Variants in PRRX1 observed in about 807,000 individuals in gnomAD.
PRRX1 encodes the protein paired mesoderm homeobox protein 1.
Under a neutral mutation model 24.0 loss-of-function variants are expected in PRRX1, and 8 were observed. The observed-to-expected ratio is 0.33, with a 90% CI of 0.20 to 0.60. PRRX1 has a LOEUF of 0.60. Among genes scored for constraint, PRRX1 ranks in the 20% least tolerant of loss-of-function variants. The pLI is 0.82. For synonymous variants in PRRX1, 160 were observed against 131.7 expected, an observed-to-expected ratio of 1.22 and a Z score of -1.47; for missense variants, 281 against 322.4, an observed-to-expected ratio of 0.87 and a Z score of 0.98.
In PRRX1 at chr1:170,736,187, G is replaced by A. The variant is rs748937887; in HGVS notation, c.*1G>A. 72 of 1,613,664 alleles carry A rather than the reference G, an allele frequency of 4.5e-5. No homozygotes were observed. In the Admixed American group the frequency reaches 1.2e-3, roughly 27 times the overall value. On this transcript the variant is annotated 3_prime_UTR_variant, in exon 4 of 4. Coordinates refer to ENST00000239461, the MANE Select transcript of PRRX1 (RefSeq NM_022716.4). ...GAACCAGGTGCCAACAGTCAACTGA[G>A]GAAAAAAAATAATTAAACAGGCCTA...
At chr1:170,711,749 T>A (rs1171705228) in intron 1 of PRRX1, among the ~76,000 whole-genome samples, 18 of 152,170 alleles carry the variant, frequency 1.2e-4, no homozygotes, top group Non-Finnish European at 2.5e-4. Context: ...GACAAGAGGA[T>A]ATGCCTCATC....
At chr1:170,727,605 A>G (rs564706580) in intron 3 of PRRX1, 2 of 152,372 alleles carry the variant, frequency 1.3e-5, no homozygotes, top group South Asian at 2.1e-4. Flanking sequence ...AATCAAAGCA[A>G]AAAGCCTCAT....
chr1:170,720,518 TG>T (rs1331396536), intron 2 of PRRX1, among the ~76,000 whole-genome samples: 1 of 152,194 alleles, frequency 6.6e-6, no homozygotes, highest in Non-Finnish European at 1.5e-5. Context: ...CAGATTTATG[TG>T]ATATACATTG....
intron 3 of PRRX1, among the ~76,000 whole-genome samples, chr1:170,733,124 G>A (rs568914622): frequency 2.2e-4 from 33 of 152,262 alleles, no homozygotes; most frequent in Non-Finnish European, 5.9e-5. Context: ...ACATTCAAGA[G>A]AGAAACTCAG....
intron 1 of PRRX1, among the ~76,000 whole-genome samples, chr1:170,712,498 C>T (rs1404866536): frequency 6.6e-6 from 1 of 152,100 alleles, no homozygotes; most frequent in Non-Finnish European, 1.5e-5. Flanking sequence ...TCTTACTGAA[C>T]AGCTAAATAA....
At chr1:170,690,218 T>C (rs905643946) in intron 1 of PRRX1, among the ~76,000 whole-genome samples, 47 of 151,942 alleles carry the variant, frequency 3.1e-4, no homozygotes, top group African/African-American at 1.1e-3. Flanking sequence ...GTCTGGTCCG[T>C]GCCCCCTATG....
In PRRX1 at chr1:170,737,499, T is replaced by G; in HGVS notation, c.*1313T>G. On this transcript the variant is annotated 3_prime_UTR_variant, in exon 4 of 4. Coordinates refer to ENST00000239461, the MANE Select transcript of PRRX1 (RefSeq NM_022716.4). ...TCATGGGAATTGCAGTTAGAGAGAG[T>G]AAGGAATACCATTTAGTCATCTATC... The G allele has an allele frequency of 4.8e-6, 1 of 206,216 alleles. No homozygotes were observed. The highest frequency in any genetic ancestry group is 9.9e-6 in the Non-Finnish European group (1 of 100,918). 12.8% of individuals were successfully genotyped at this position (206,216 alleles called of 1,614,324 possible). A position where few individuals can be genotyped will look rare whatever the true frequency, so the allele number is the denominator to read the frequency against.
intron 3 of PRRX1, among the ~76,000 whole-genome samples, chr1:170,729,306 G>C (rs961989365): frequency 6.6e-6 from 1 of 152,110 alleles, no homozygotes; most frequent in African/African-American, 2.4e-5. Flanking sequence ...ACACTCTGTG[G>C]GGACCTCATC....
chr1:170,676,432 C>A (rs1040048220), intron 1 of PRRX1, among the ~76,000 whole-genome samples: 7 of 151,534 alleles, frequency 4.6e-5, no homozygotes, highest in Admixed American at 2.0e-4. Flanking sequence ...TCAGAGCTAC[C>A]TTGAAGGCCA....
At chr1:170,689,549 T>C (rs1156740814) in intron 1 of PRRX1, among the ~76,000 whole-genome samples, 1 of 152,184 alleles carries the variant, frequency 6.6e-6, no homozygotes, top group East Asian at 1.9e-4. Flanking sequence ...GGAAGATTTG[T>C]GTGTTTAATC....
At chr1:170,703,889 T>A (rs140556376) in intron 1 of PRRX1, among the ~76,000 whole-genome samples, 24 of 152,270 alleles carry the variant, frequency 1.6e-4, no homozygotes, top group African/African-American at 5.5e-4. Flanking sequence ...AAAGAAGACA[T>A]CATGAAAATA....
intron 1 of PRRX1, among the ~76,000 whole-genome samples, chr1:170,677,494 T>G (rs1261722329): frequency 6.6e-6 from 1 of 152,364 alleles, no homozygotes; most frequent in East Asian, 1.9e-4. Context: ...CTAGTATGAC[T>G]TATTTCAGGC....
intron 1 of PRRX1, among the ~76,000 whole-genome samples, chr1:170,691,078 G>A (rs921666515): frequency 2.6e-5 from 4 of 152,100 alleles, no homozygotes; most frequent in Admixed American, 1.3e-4. Flanking sequence ...GTTTTTGAAA[G>A]CTATCGAGAG....
chr1:170,678,185 T>G (rs1439973454), intron 1 of PRRX1, among the ~76,000 whole-genome samples: 1 of 152,252 alleles, frequency 6.6e-6, no homozygotes, highest in East Asian at 1.9e-4. Flanking sequence ...CATTCTGTCC[T>G]CCATTTGATA....
At chr1:170,705,096 T>A (rs1240255858) in intron 1 of PRRX1, among the ~76,000 whole-genome samples, 1 of 152,122 alleles carries the variant, frequency 6.6e-6, no homozygotes, top group Non-Finnish European at 1.5e-5. Context: ...TCCTTAGTGA[T>A]TCACCTTAAA....
chr1:170,691,122 T>C (rs1653932041), intron 1 of PRRX1, among the ~76,000 whole-genome samples: 1 of 152,164 alleles, frequency 6.6e-6, no homozygotes, highest in African/African-American at 2.4e-5. Context: ...GTGAGGGCCA[T>C]ATTTTATTCA....
intron 1 of PRRX1, among the ~76,000 whole-genome samples, chr1:170,708,849 A>G (rs1329548405): frequency 1.3e-5 from 2 of 152,222 alleles, no homozygotes; most frequent in African/African-American, 4.8e-5. Flanking sequence ...TACATGCCTT[A>G]CAAAAATGCA....
intron 1 of PRRX1, among the ~76,000 whole-genome samples, chr1:170,692,488 ATTG>A (rs1654022163): frequency 1.3e-5 from 2 of 151,440 alleles, no homozygotes; most frequent in African/African-American, 2.4e-5. Flanking sequence ...TTATTCTTAA[ATTG>A]TTGTGTGTAT....
intron 1 of PRRX1, among the ~76,000 whole-genome samples, chr1:170,719,113 G>A (rs1655000602): frequency 6.6e-6 from 1 of 152,158 alleles, no homozygotes; most frequent in African/African-American, 2.4e-5. Context: ...CCTGATCTAG[G>A]CTGAGGCCTC....
Sources: allele counts gnomAD v4.1 joint callset (sites outside exome capture counted in the v4.1 genomes callset), GRCh38; gene constraint gnomAD v4.1.1; transcripts MANE v1.5; gene names NCBI Gene and HGNC (gene_info 2026-07-23, HGNC 2026-07-21).